Variants in RASEF observed in about 807,000 individuals in gnomAD.
RASEF encodes RAS and EF-hand domain containing.
In RASEF, 68 loss-of-function variants were observed where a neutral mutation model predicts 90.1. The observed-to-expected ratio is 0.75, with a 90% confidence interval of 0.62 to 0.92. The LOEUF (loss-of-function observed/expected upper bound fraction) is 0.92. Among genes scored for constraint, RASEF ranks in the 40% least tolerant of loss-of-function variants. The probability of loss-of-function intolerance (pLI) is 0.00; values close to 1 mark genes in which losing one functional copy is unlikely to be tolerated. For missense variants in RASEF, 949 were observed against 937.2 expected (o/e 1.01, Z -0.16); for synonymous variants, 331 against 345.2 (o/e 0.96, Z 0.46).
At chr9:83,194,792 C>A in the RASEF span, among the ~76,000 whole-genome samples, 1 of 152,184 alleles carries the variant, frequency 6.6e-6, no homozygotes, top group African/African-American at 2.4e-5. Flanking sequence ...ATTTATTTTG[C>A]TGCTCAAATT....
intron 13 of RASEF, among the ~76,000 whole-genome samples, 172 bp downstream of exon 13, chr9:82,998,193 G>A (rs990673011): frequency 6.6e-6 from 1 of 152,142 alleles, no homozygotes. Flanking sequence ...AGATGTGCGA[G>A]AATATAAGCA....
chr9:83,158,992 C>T, the RASEF span, among the ~76,000 whole-genome samples: 2 of 151,364 alleles, frequency 1.3e-5, no homozygotes, highest in Middle Eastern at 3.4e-3. Flanking sequence ...CGAGACCATC[C>T]TGGCTAACAT....
At chr9:83,049,529 C>CTTTTTTTTTTTTTT (rs10687615) in intron 1 of RASEF, among the ~76,000 whole-genome samples, 61 of 99,070 alleles carry the variant, frequency 6.2e-4, no homozygotes, top group Non-Finnish European at 7.2e-4. Context: ...TTCTGCCTTC[C>CTTTTTTTTTTTTTT]TTTTTTTTTT....
At chr9:82,996,506 T>C (rs1828921139) in intron 14 of RASEF, among the ~76,000 whole-genome samples, 1 of 152,156 alleles carries the variant, frequency 6.6e-6, no homozygotes, top group African/African-American at 2.4e-5. Context: ...GGTATTTCGG[T>C]AGTACCTTGA....
the RASEF span, among the ~76,000 whole-genome samples, chr9:83,202,786 C>A: frequency 6.6e-6 from 1 of 152,076 alleles, no homozygotes; most frequent in African/African-American, 2.4e-5. Flanking sequence ...GCCACCACAC[C>A]CAGCCAAGAA....
chr9:83,093,629 C>G, the RASEF span, among the ~76,000 whole-genome samples: 8 of 152,210 alleles, frequency 5.3e-5, no homozygotes, highest in Admixed American at 2.6e-4. Flanking sequence ...CATGCCCACC[C>G]GGAACTCCAG....
At chr9:83,130,227 AT>A in the RASEF span, among the ~76,000 whole-genome samples, 1 of 152,192 alleles carries the variant, frequency 6.6e-6, no homozygotes, top group Non-Finnish European at 1.5e-5. Flanking sequence ...TTTGTAATCT[AT>A]CCTTGTGTAA....
the RASEF span, among the ~76,000 whole-genome samples, chr9:83,144,391 G>GAAAGGAAGGAAAGAAAGAAAGAAA: frequency 1.7e-3 from 58 of 33,226 alleles, 1 homozygote; most frequent in East Asian, 1.0e-2. Context: ...AAGAAAGAAA[G>GAAAGGAAGGAAAGAAAGAAAGAAA]GAAAGAAAGA....
In RASEF at chr9:83,062,552, C is replaced by G. The variant is rs1830228818; in HGVS notation, c.316G>C (p.Glu106Gln). The G allele has an allele frequency of 2.5e-6, 4 of 1,601,028 alleles. No individual in the cohort carries two copies. The South Asian group carries it at 4.4e-5, about 18-fold the overall frequency. Residue 106 changes from glutamate to glutamine, a missense_variant, in exon 1 of 17, where the codon GAA (glutamate) becomes CAA (glutamine). Coordinates refer to ENST00000376447, the MANE Select transcript of RASEF (RefSeq NM_152573.4). Reference sequence around the variant, plus strand: ...GCCGCCGCCGCGTCCTCGTCGCCTTCGTCCTCCTCGCTGTCGTGTGTCTCC... The same window carrying G: ...GCCGCCGCCGCGTCCTCGTCGCCTTGGTCCTCCTCGCTGTCGTGTGTCTCC... ...GPETHDSEED[E>Q]GDEDAAAALA... is the part of the protein sequence containing the mutation.
chr9:82,991,034 GA>G (rs1413382869), intron 15 of RASEF, among the ~76,000 whole-genome samples: 1 of 152,154 alleles, frequency 6.6e-6, no homozygotes, highest in East Asian at 1.9e-4. Context: ...TAGGTAATGT[GA>G]AAATGCTTTT....
At chr9:83,135,626 T>C in the RASEF span, among the ~76,000 whole-genome samples, 1 of 152,150 alleles carries the variant, frequency 6.6e-6, no homozygotes, top group Non-Finnish European at 1.5e-5. Flanking sequence ...TAAAAATAAG[T>C]ACAGTTAATA....
chr9:83,101,870 C>G, the RASEF span, among the ~76,000 whole-genome samples: 1 of 152,084 alleles, frequency 6.6e-6, no homozygotes, highest in African/African-American at 2.4e-5. Flanking sequence ...CTTGTTGATT[C>G]ACTACCACTG....
At chr9:83,003,755 T>C (rs1160798344) in intron 9 of RASEF, among the ~76,000 whole-genome samples, 1 of 152,102 alleles carries the variant, frequency 6.6e-6, no homozygotes, top group Non-Finnish European at 1.5e-5. Flanking sequence ...AGTACCCAAA[T>C]GAAAAGGGGA....
chr9:83,008,480 T>C (rs577784889), intron 6 of RASEF, among the ~76,000 whole-genome samples: 4 of 152,290 alleles, frequency 2.6e-5, no homozygotes, highest in African/African-American at 9.6e-5. Flanking sequence ...CTGCCTTACC[T>C]GGAACATCTC....
chr9:83,130,895 A>G, the RASEF span, among the ~76,000 whole-genome samples: 14 of 152,334 alleles, frequency 9.2e-5, no homozygotes, highest in East Asian at 2.7e-3. Flanking sequence ...AAAAGGGACT[A>G]AATTATCTTG....
At chr9:83,181,312 G>A in the RASEF span, among the ~76,000 whole-genome samples, 1 of 152,026 alleles carries the variant, frequency 6.6e-6, no homozygotes, top group Non-Finnish European at 1.5e-5. Context: ...TGTGATTTCA[G>A]GAGATAAACC....
intron 2 of RASEF, among the ~76,000 whole-genome samples, chr9:83,024,868 C>T (rs750334455): frequency 3.9e-5 from 6 of 152,144 alleles, no homozygotes; most frequent in Admixed American, 6.5e-5. Context: ...GTAGACAGGG[C>T]AGCCTCCTAT....
the RASEF span, among the ~76,000 whole-genome samples, chr9:83,202,409 C>T: frequency 1.3e-5 from 2 of 152,142 alleles, no homozygotes; most frequent in South Asian, 2.1e-4. Context: ...AACTAACACA[C>T]ATTGTAATGA....
At chr9:82,983,107 C>CCACACACACACACACACA (rs10539196) in intron 16 of RASEF, among the ~76,000 whole-genome samples, 22 of 128,560 alleles carry the variant, frequency 1.7e-4, no homozygotes, top group African/African-American at 6.4e-4. Flanking sequence ...GAGTACCAGG[C>CCACACACACACACACACA]CACACACACA....
Sources: gnomAD v4.1 joint callset for allele counts (sites outside exome capture counted in the v4.1 genomes callset) on GRCh38, gnomAD v4.1.1 for gene constraint, MANE v1.5 for transcripts, NCBI Gene and HGNC (gene_info 2026-07-23, HGNC 2026-07-21) for gene names.